The following ATG5 variants were observed in gnomAD, a reference collection of about 807,000 sequenced individuals.
The protein encoded by ATG5 is autophagy related 5.
A neutral mutation model predicts 36.5 loss-of-function variants in ATG5; 14 were observed. The ratio of observed to expected loss-of-function variants is 0.38; its 90% CI spans 0.25 to 0.60. The LOEUF is 0.60. Ranked by LOEUF, ATG5 falls within the 20% of genes least tolerant of loss-of-function variation. The pLI, the probability that ATG5 is intolerant of heterozygous loss-of-function variation, is 0.60. For synonymous variants in ATG5, 95 were observed against 101.5 expected, an observed-to-expected ratio of 0.94 and a Z score of 0.38; for missense variants, 195 against 326.7, an observed-to-expected ratio of 0.60 and a Z score of 3.11.
At chr6:106,221,399 A>G (rs1283865697) in intron 6 of ATG5, among the ~76,000 whole-genome samples, 3 of 152,112 alleles carry the variant, frequency 2.0e-5, no homozygotes, top group African/African-American at 7.2e-5. Context: ...AAATGTCAAA[A>G]CTGAGGCCGG....
intron 7 of ATG5, among the ~76,000 whole-genome samples, chr6:106,189,294 A>G (rs1775884611): frequency 6.6e-6 from 1 of 152,158 alleles, no homozygotes; most frequent in South Asian, 2.1e-4. Flanking sequence ...AGGACATTTT[A>G]GCAATATCAA....
At chr6:106,263,482 T>C (rs1433140108) in intron 5 of ATG5, among the ~76,000 whole-genome samples, 2 of 152,132 alleles carry the variant, frequency 1.3e-5, no homozygotes, top group Non-Finnish European at 2.9e-5. Flanking sequence ...CAAGACGGAT[T>C]CTCCCAGCAC....
chr6:106,231,343 TGA>T (rs1377527575), intron 6 of ATG5, among the ~76,000 whole-genome samples: 5 of 152,180 alleles, frequency 3.3e-5, no homozygotes, highest in Admixed American at 3.3e-4. Flanking sequence ...AACTGCAGCC[TGA>T]GAGTTTGGCG....
At chr6:106,195,195 T>C (rs1249799907) in intron 7 of ATG5, among the ~76,000 whole-genome samples, 1 of 152,260 alleles carries the variant, frequency 6.6e-6, no homozygotes, top group East Asian at 1.9e-4. Context: ...TTGACTTTCA[T>C]ATGATGAAAT....
chr6:106,298,110 G>GC (rs1745132495), intron 3 of ATG5, among the ~76,000 whole-genome samples: 1 of 151,446 alleles, frequency 6.6e-6, no homozygotes, highest in South Asian at 2.1e-4. Flanking sequence ...GATTACAGGC[G>GC]CGTACCACCA....
At chr6:106,214,532 T>C (rs1776969083) in intron 6 of ATG5, among the ~76,000 whole-genome samples, 1 of 152,200 alleles carries the variant, frequency 6.6e-6, no homozygotes, top group Non-Finnish European at 1.5e-5. Flanking sequence ...GAGAAGTTTC[T>C]TAATTGATAC....
At chr6:106,242,640 C>T (rs1359646540) in intron 6 of ATG5, among the ~76,000 whole-genome samples, 2 of 151,610 alleles carry the variant, frequency 1.3e-5, no homozygotes, top group East Asian at 3.9e-4. Flanking sequence ...AAAAAAAACA[C>T]CTCAAGCAAC....
intron 4 of ATG5, among the ~76,000 whole-genome samples, chr6:106,281,930 T>C (rs2114606363): frequency 6.6e-6 from 1 of 152,334 alleles, no homozygotes; most frequent in African/African-American, 2.4e-5. Flanking sequence ...ACTAAAGATG[T>C]TGAGTGCCTT....
At chr6:106,271,274 C>T (rs377722544) in intron 5 of ATG5, among the ~76,000 whole-genome samples, 18 of 152,214 alleles carry the variant, frequency 1.2e-4, no homozygotes, top group African/African-American at 4.3e-4. Context: ...TGAATGTTTA[C>T]ATCCCCCTAT....
intron 5 of ATG5, among the ~76,000 whole-genome samples, chr6:106,273,722 A>G (rs1470235897): frequency 6.6e-6 from 1 of 152,202 alleles, no homozygotes; most frequent in Non-Finnish European, 1.5e-5. Flanking sequence ...TCTCAAAACA[A>G]TAATTTCTCA....
chr6:106,314,768 G>GA (rs1385102660), intron 2 of ATG5, among the ~76,000 whole-genome samples: 2 of 152,008 alleles, frequency 1.3e-5, no homozygotes, highest in Non-Finnish European at 2.9e-5. Context: ...AACAAGAACA[G>GA]AAAAAATACC....
In ATG5 at chr6:106,279,660, C is replaced by G; in HGVS notation, c.478+1G>C. 1 of 1,586,240 alleles carries G rather than the reference C, an allele frequency of 6.3e-7. No individual in the cohort carries two copies. Among genetic ancestry groups the G allele is most frequent in the Non-Finnish European group, 8.6e-7 (1 of 1,166,458 alleles). ...CTAAAATTAAACACTATTATACTTA[C>G]CATTTTGCAATCCCATCCAGAGTTG... is the stretch of plus-strand genomic sequence containing the variant. On this transcript the variant is annotated splice_donor_variant, in intron 5 of 7. Coordinates refer to ENST00000369076, the MANE Select transcript of ATG5 (RefSeq NM_004849.4). LOFTEE classifies it high-confidence loss of function.
At chr6:106,212,428 G>A (rs1215297799) in intron 6 of ATG5, among the ~76,000 whole-genome samples, 2 of 152,302 alleles carry the variant, frequency 1.3e-5, no homozygotes, top group African/African-American at 4.8e-5. Flanking sequence ...ATCACCTGAG[G>A]TCAGGAGTTC....
At chr6:106,247,848 A>C (rs1341637490) in intron 6 of ATG5, among the ~76,000 whole-genome samples, 1 of 152,184 alleles carries the variant, frequency 6.6e-6, no homozygotes, top group Non-Finnish European at 1.5e-5. Flanking sequence ...AGGTGAATCA[A>C]TTTTTCACCA....
chr6:106,316,296 A>G (rs1770845251), intron 1 of ATG5, 30 bp from the exon 2 acceptor site: 2 of 894,606 alleles, frequency 2.2e-6, no homozygotes, highest in Admixed American at 2.4e-5. Flanking sequence ...CATTAGTCAG[A>G]TCCTTGCAAC....
intron 6 of ATG5, among the ~76,000 whole-genome samples, chr6:106,214,775 T>C (rs1158286564): frequency 1.3e-5 from 2 of 152,216 alleles, no homozygotes; most frequent in Non-Finnish European, 2.9e-5. Flanking sequence ...CTTCCCTTTC[T>C]TGGGATCGAG....
intron 2 of ATG5, among the ~76,000 whole-genome samples, chr6:106,311,038 TTA>T (rs1770626323): frequency 6.6e-6 from 1 of 152,232 alleles, no homozygotes; most frequent in East Asian, 1.9e-4. Flanking sequence ...TATGGAATAC[TTA>T]TGTTTCCAAA....
At chr6:106,281,242 A>C (rs1474376274) in intron 4 of ATG5, among the ~76,000 whole-genome samples, 1 of 152,214 alleles carries the variant, frequency 6.6e-6, no homozygotes, top group East Asian at 1.9e-4. Context: ...AAATGCAGAA[A>C]TCAAGAGTAC....
intron 2 of ATG5, among the ~76,000 whole-genome samples, chr6:106,311,342 T>C (rs976776195): frequency 1.3e-5 from 2 of 152,300 alleles, no homozygotes; most frequent in East Asian, 1.9e-4. Context: ...TAAGAGCAAG[T>C]AGCAAAGGAA....
Sources: allele counts gnomAD v4.1 joint callset (sites outside exome capture counted in the v4.1 genomes callset), GRCh38; gene constraint gnomAD v4.1.1; transcripts MANE v1.5; gene names NCBI Gene and HGNC (gene_info 2026-07-23, HGNC 2026-07-21).